Variants in NLGN3 observed in about 807,000 individuals in gnomAD.
The protein encoded by NLGN3 is neuroligin 3.
A neutral mutation model predicts 42.9 loss-of-function variants in NLGN3; 11 were observed. The observed-to-expected ratio is 0.26, with a 90% CI of 0.16 to 0.42. The LOEUF is 0.42. Ranked by LOEUF, NLGN3 falls within the 10% of genes least tolerant of loss-of-function variation. The pLI is 1.00. For missense variants in NLGN3, 374 were observed against 733.8 expected, an observed-to-expected ratio of 0.51 and a Z score of 5.67; for synonymous variants, 279 against 312.7, an observed-to-expected ratio of 0.89 and a Z score of 1.14.
intron 5 of NLGN3, among the ~76,000 whole-genome samples, chrX:71,158,387 GC>G (rs1407303521): frequency 8.9e-6 from 1 of 112,199 alleles, no homozygotes; most frequent in Non-Finnish European, 1.9e-5. Flanking sequence ...GCCCGGCTGG[GC>G]TGCACAGTTT....
chrX:71,172,168 T>C (rs1184679371), downstream of NLGN3, among the ~76,000 whole-genome samples: 1 of 111,550 alleles, frequency 9.0e-6, no homozygotes, highest in Admixed American at 9.5e-5. Flanking sequence ...GGTGTAAGGG[T>C]ACATCACAAG....
intron 5 of NLGN3, among the ~76,000 whole-genome samples, chrX:71,159,872 G>A (rs1000895959): frequency 4.9e-5 from 5 of 101,178 alleles, no homozygotes; most frequent in Non-Finnish European, 9.9e-5. Context: ...TTACAGGCGC[G>A]CACCACCACG....
At chrX:71,168,867 AAG>A (rs201451464) in intron 7 of NLGN3, among the ~76,000 whole-genome samples, 3,708 of 69,181 alleles carry the variant, frequency 0.054, 231 homozygotes, top group African/African-American at 0.27. Context: ...GAAAGAAAGA[AAG>A]AGAAAGAAAA....
At chrX:71,159,890 A>ATTTTTTTT (rs748275369) in intron 5 of NLGN3, among the ~76,000 whole-genome samples, 1 of 50,430 alleles carries the variant, frequency 2.0e-5, no homozygotes, top group Admixed American at 2.5e-4. Flanking sequence ...ACGCCCAGCT[A>ATTTTTTTT]TTTTTTTTTT....
chrX:71,169,217 T>C (rs373169965), intron 7 of NLGN3, 37 bp from the exon 8 acceptor site: 7 of 1,202,459 alleles, frequency 5.8e-6, no homozygotes, highest in Middle Eastern at 2.3e-4. Context: ...CTCATCCAGA[T>C]AGAGTGGTGA....
downstream of NLGN3, among the ~76,000 whole-genome samples, chrX:71,174,647 A>C (rs978526489): frequency 1.8e-5 from 2 of 111,954 alleles, no homozygotes; most frequent in African/African-American, 6.5e-5. Context: ...CAGCGTATCT[A>C]GAGTTCAACC....
chrX:71,149,280 G>A (rs141032372), intron 3 of NLGN3, among the ~76,000 whole-genome samples: 2,883 of 110,720 alleles, frequency 0.026, 79 homozygotes, highest in African/African-American at 0.089. Context: ...CATCCCTTCT[G>A]TGTTCTTTCT....
At position 71,148,190 on chromosome X, in the gene NLGN3, T is replaced by C. The variant is rs1376460616; in HGVS notation, c.441T>C (p.Tyr147=). Residue 147 remains tyrosine, a synonymous_variant, in exon 2 of 8, where the codon TAT becomes TAC. Coordinates refer to ENST00000358741, the MANE Select transcript of NLGN3 (RefSeq NM_181303.2). ...AAGACTGTCTCTACCTGAACGTCTA[T>C]GTGCCGACGGAGGATGGTGAGTGCT... ...PNEDCLYLNV[Y]VPTEDVKRIS... is the part of the protein sequence containing the mutation. The C allele has an allele frequency of 5.8e-6, 7 of 1,209,457 alleles. No individual in the cohort carries two copies. The highest frequency in any genetic ancestry group is 7.8e-6 in the Non-Finnish European group (7 of 893,390).
At chrX:71,153,596 G>A in intron 4 of NLGN3, 60 bp downstream of exon 4, 13 of 1,008,178 alleles carry the variant, frequency 1.3e-5, no homozygotes, top group African/African-American at 1.9e-5. Context: ...TCCCCTTCTC[G>A]ATGGGGAGAA....
intron 3 of NLGN3, among the ~76,000 whole-genome samples, chrX:71,152,472 A>G (rs764620582): frequency 8.5e-4 from 94 of 110,548 alleles, no homozygotes; most frequent in African/African-American, 2.9e-3. Context: ...CTTTGGAGTC[A>G]AGCAGACCTG....
chrX:71,158,417 G>A (rs1321971008), intron 5 of NLGN3, among the ~76,000 whole-genome samples: 4 of 112,122 alleles, frequency 3.6e-5, no homozygotes, highest in East Asian at 2.8e-4. Flanking sequence ...GAATGAACGC[G>A]CAAATGTGAT....
chrX:71,156,490 A>C (rs1273689628), intron 5 of NLGN3, among the ~76,000 whole-genome samples: 4 of 109,989 alleles, frequency 3.6e-5, no homozygotes, highest in Non-Finnish European at 5.7e-5. Flanking sequence ...ACATTCCCCC[A>C]CACACACATC....
chrX:71,159,919 G>C (rs1309304560), intron 5 of NLGN3, among the ~76,000 whole-genome samples: 12 of 89,070 alleles, frequency 1.3e-4, no homozygotes, highest in African/African-American at 4.9e-4. Context: ...TTTTTTAGTA[G>C]AGGCGGGGGT....
At chrX:71,172,627 C>CGTGTGTGTGTGTGT (rs59876964), downstream of NLGN3, among the ~76,000 whole-genome samples, 12 of 100,525 alleles carry the variant, frequency 1.2e-4, no homozygotes, top group African/African-American at 4.1e-4. Context: ...TGTGTGCATG[C>CGTGTGTGTGTGTGT]GTGTGTGTGT....
rs976426713 is a variant in NLGN3, at chrX:71,169,169, G to A, written c.1704-85G>A. On this transcript the variant is annotated intron_variant, in intron 7 of 7. Transcript: ENST00000358741. ...TGGTGGGAAGTTCTAAACTGGGAAA[G>A]AGGTTTGGCTGTCAGAGGAAAAATG... is the stretch of plus-strand genomic sequence containing the variant. 23 of 1,071,936 alleles carry A rather than the reference G, an allele frequency of 2.1e-5. No homozygotes were observed. The Admixed American group carries it at 5.3e-4, about 24-fold the overall frequency. The allele number at this position is 1,071,936 out of a possible 1,213,427, so 88.3% of individuals were successfully genotyped here.
At chrX:71,150,508 T>C (rs1348946363) in intron 3 of NLGN3, among the ~76,000 whole-genome samples, 2 of 110,210 alleles carry the variant, frequency 1.8e-5, no homozygotes, top group Non-Finnish European at 3.8e-5. Context: ...GAGACCATCC[T>C]GGCTAATACG....
At chrX:71,166,765 T>G (rs1470292188) in intron 6 of NLGN3, among the ~76,000 whole-genome samples, 1 of 111,520 alleles carries the variant, frequency 9.0e-6, no homozygotes, top group Non-Finnish European at 1.9e-5. Context: ...GGGTTAATTC[T>G]TCCTGACATT....
chrX:71,153,164 G>C (rs912353870), intron 3 of NLGN3, among the ~76,000 whole-genome samples: 1 of 112,714 alleles, frequency 8.9e-6, no homozygotes, highest in South Asian at 3.7e-4. Flanking sequence ...CTGGCTCTGT[G>C]CCCTGGCCCA....
At chrX:71,168,873 A>AAG (rs1569485733) in intron 7 of NLGN3, among the ~76,000 whole-genome samples, 1 of 71,984 alleles carries the variant, frequency 1.4e-5, no homozygotes, top group East Asian at 3.7e-4. Flanking sequence ...AAGAAAGAGA[A>AAG]AGAAAAGAAA....
Sources: gnomAD v4.1 joint callset for allele counts (sites outside exome capture counted in the v4.1 genomes callset) on GRCh38, gnomAD v4.1.1 for gene constraint, MANE v1.5 for transcripts, NCBI Gene and HGNC (gene_info 2026-07-23, HGNC 2026-07-21) for gene names.